RABGEF1: variants seen among roughly 807,000 people sequenced by gnomAD.
The protein encoded by RABGEF1 is rab5 GDP/GTP exchange factor.
Under a neutral mutation model 57.3 loss-of-function variants are expected in RABGEF1, and 26 were observed. The ratio of observed to expected loss-of-function variants is 0.45; its 90% CI spans 0.33 to 0.63. The LOEUF (loss-of-function observed/expected upper bound fraction) is 0.63, where lower values mean the gene tolerates loss of function less well. Ranked by LOEUF, RABGEF1 falls within the 20% of genes least tolerant of loss-of-function variation. The pLI is 0.02. For missense variants in RABGEF1, 464 were observed against 607.6 expected, an observed-to-expected ratio of 0.76 and a Z score of 2.48; for synonymous variants, 185 against 210.7, an observed-to-expected ratio of 0.88 and a Z score of 1.06.
upstream of RABGEF1, among the ~76,000 whole-genome samples, chr7:66,736,141 C>A (rs1797917039): frequency 6.6e-6 from 1 of 152,192 alleles, no homozygotes; most frequent in African/African-American, 2.4e-5. Flanking sequence ...GGCATCCTGA[C>A]ATTCACTCCT....
At chr7:66,770,732 C>G (rs1562821713) in intron 1 of RABGEF1, among the ~76,000 whole-genome samples, 1 of 152,202 alleles carries the variant, frequency 6.6e-6, no homozygotes, top group Non-Finnish European at 1.5e-5. Context: ...GATCCTCCCA[C>G]CTTGGCCTCC....
rs73135912 is a variant in RABGEF1 at position 66,686,805 on chromosome 7, T to A, written c.-873+4547T>A. ...GGATAGGAAGTCTAATTTTTATTTA[T>A]AGTAGAACTTTTTTTTCTTTTTCTT... On this transcript the variant is annotated intron_variant and NMD_transcript_variant, in intron 1 of 9. Transcript: ENST00000607882. Among the ~76,000 whole-genome samples, 383 of 152,044 alleles carry A rather than the reference T, an allele frequency of 2.5e-3. 4 individuals are homozygous for A. The highest frequency in any genetic ancestry group is 3.9e-3 in the Non-Finnish European group (264 of 67,972).
chr7:66,660,562 C>T, the RABGEF1 span, among the ~76,000 whole-genome samples: 1 of 151,900 alleles, frequency 6.6e-6, no homozygotes, highest in Admixed American at 6.6e-5. Flanking sequence ...TGGCTCCCGC[C>T]TGTAATCCCA....
At chr7:66,691,427 G>A (rs1791497706) in intron 1 of RABGEF1, among the ~76,000 whole-genome samples, 1 of 152,132 alleles carries the variant, frequency 6.6e-6, no homozygotes. Flanking sequence ...CATATAGTGG[G>A]ATAGTACTCA....
chr7:66,725,908 G>A (rs541554576), intron 2 of RABGEF1, among the ~76,000 whole-genome samples: 113 of 152,366 alleles, frequency 7.4e-4, no homozygotes, highest in Middle Eastern at 3.4e-3. Context: ...AGAGGGGGAA[G>A]CTGTGACCCT....
At chr7:66,707,387 G>A (rs1417922614) in intron 1 of RABGEF1, among the ~76,000 whole-genome samples, 2 of 151,878 alleles carry the variant, frequency 1.3e-5, no homozygotes, top group Admixed American at 6.6e-5. Context: ...ATATCTAGTT[G>A]TTCTCTTTAT....
intron 1 of RABGEF1, among the ~76,000 whole-genome samples, chr7:66,709,922 CATTA>C (rs1312658729): frequency 4.9e-4 from 75 of 152,282 alleles, no homozygotes; most frequent in African/African-American, 1.8e-3. Flanking sequence ...GCAAAAGTAA[CATTA>C]ATTAACACAG....
chr7:66,692,082 T>C (rs76721987), intron 1 of RABGEF1, among the ~76,000 whole-genome samples: 35 of 136,956 alleles, frequency 2.6e-4, no homozygotes, highest in Admixed American at 6.2e-4. Context: ...AACAAACAAA[T>C]AAATAAATAA....
At chr7:66,704,668 G>A (rs934368577) in intron 1 of RABGEF1, among the ~76,000 whole-genome samples, 19 of 152,050 alleles carry the variant, frequency 1.2e-4, no homozygotes, top group Non-Finnish European at 2.1e-4. Context: ...CAAATTAGCC[G>A]GGCGTGGTGG....
chr7:66,680,702 T>C (rs1179710813), upstream of RABGEF1, among the ~76,000 whole-genome samples: 3 of 152,058 alleles, frequency 2.0e-5, no homozygotes, highest in Non-Finnish European at 4.4e-5. Context: ...ATCCCAGCAT[T>C]TTGGGAGACC....
At chr7:66,680,511 TG>T (rs1288946286), upstream of RABGEF1, among the ~76,000 whole-genome samples, 1 of 152,160 alleles carries the variant, frequency 6.6e-6, no homozygotes, top group Non-Finnish European at 1.5e-5. Context: ...CCCAAAGTGC[TG>T]GGATTACAGG....
the RABGEF1 span, among the ~76,000 whole-genome samples, chr7:66,655,021 C>A: frequency 6.6e-5 from 10 of 152,228 alleles, no homozygotes; most frequent in African/African-American, 2.2e-4. Context: ...CATTTGTGGT[C>A]GCGCGGGGCC....
chr7:66,688,615 C>G (rs552538318), intron 1 of RABGEF1, among the ~76,000 whole-genome samples: 2 of 152,102 alleles, frequency 1.3e-5, no homozygotes, highest in Non-Finnish European at 2.9e-5. Context: ...CAGCAAAACT[C>G]GAAAACTCAC....
chr7:66,725,900 A>AG (rs1403095430), intron 2 of RABGEF1, among the ~76,000 whole-genome samples: 2 of 152,226 alleles, frequency 1.3e-5, no homozygotes, highest in Non-Finnish European at 2.9e-5. Flanking sequence ...ACCCAATCAG[A>AG]GGGGGAAGCT....
At position 66,747,381 on chromosome 7, in the gene RABGEF1, G is replaced by A. The variant is rs113907308; in HGVS notation, c.-18+6589G>A. Among the ~76,000 whole-genome samples the A allele has an allele frequency of 1.1e-3, 172 of 152,218 alleles. 1 individual carries two copies. Among genetic ancestry groups the A allele is most frequent in the African/African-American group, 4.0e-3 (168 of 41,540 alleles). ...GCTGTTTCACCCTAAGGAATGGTTT[G>A]GCAGCATCCTCTATGCTAGGCACAG... On this transcript the variant is annotated intron_variant, in intron 1 of 8. Transcript: ENST00000284957.
At chr7:66,781,732 C>T (rs555640942) in intron 3 of RABGEF1, among the ~76,000 whole-genome samples, 27 of 152,344 alleles carry the variant, frequency 1.8e-4, no homozygotes, top group African/African-American at 6.3e-4. Flanking sequence ...GCCCTCTCCC[C>T]TCCGTAGTGT....
At chr7:66,711,636 G>A (rs895121919) in intron 1 of RABGEF1, among the ~76,000 whole-genome samples, 2 of 151,732 alleles carry the variant, frequency 1.3e-5, no homozygotes. Flanking sequence ...ACCCAGGCTG[G>A]GATGCAGTGG....
At chr7:66,735,652 A>C (rs1225443153) in intron 2 of RABGEF1, among the ~76,000 whole-genome samples, 2 of 151,702 alleles carry the variant, frequency 1.3e-5, no homozygotes, top group Non-Finnish European at 2.9e-5. Flanking sequence ...TTATTGTGAG[A>C]TCTGGTGGTT....
At chr7:66,767,273 G>C (rs979261925) in intron 1 of RABGEF1, among the ~76,000 whole-genome samples, 3 of 151,762 alleles carry the variant, frequency 2.0e-5, no homozygotes, top group African/African-American at 7.2e-5. Flanking sequence ...AAAGTGCTGG[G>C]ATTATAGGTG....
Sources: gnomAD v4.1 joint callset for allele counts (sites outside exome capture counted in the v4.1 genomes callset) on GRCh38, gnomAD v4.1.1 for gene constraint, MANE v1.5 for transcripts, NCBI Gene and HGNC (gene_info 2026-07-23, HGNC 2026-07-21) for gene names.